LRFN5: variants seen among roughly 807,000 people sequenced by gnomAD.
The protein encoded by LRFN5 is leucine rich repeat and fibronectin type III domain containing 5.
LRFN5 carries 24 observed loss-of-function variants against 45.6 expected under a neutral mutation model. That is an observed-to-expected ratio of 0.53 (90% CI 0.38 to 0.74). LRFN5 has a LOEUF of 0.74. LRFN5 is among the 30% of genes least tolerant of loss of function. The probability of loss-of-function intolerance (pLI) is 0.00; values close to 1 mark genes in which losing one functional copy is unlikely to be tolerated. For missense variants in LRFN5, 776 were observed against 861.5 expected (o/e 0.90, Z 1.24); for synonymous variants, 340 against 313.8 (o/e 1.08, Z -0.88).
intron 1 of LRFN5, among the ~76,000 whole-genome samples, chr14:41,719,569 G>A (rs572650536): frequency 1.3e-5 from 2 of 151,978 alleles, no homozygotes; most frequent in Admixed American, 1.3e-4. Flanking sequence ...AATCTCATAA[G>A]CTTCAGATTA....
At chr14:41,641,399 C>G (rs1419212149) in intron 1 of LRFN5, among the ~76,000 whole-genome samples, 1 of 151,976 alleles carries the variant, frequency 6.6e-6, no homozygotes, top group African/African-American at 2.4e-5. Context: ...TTTTTTATTG[C>G]TTGCTGGTTG....
rs187731103 is a variant in LRFN5, at chr14:41,650,597, G to A, written c.-197+42035G>A. On this transcript the variant is annotated intron_variant, in intron 1 of 5. Transcript: ENST00000298119. ...ATGTATAAAACTTAAATATTAGTAA[G>A]GCTTTAATTCAGAAAATCCACATTG... Among the ~76,000 whole-genome samples, 53 of 152,106 alleles carry A rather than the reference G, an allele frequency of 3.5e-4. No individual in the cohort carries two copies. In the East Asian group the frequency reaches 7.7e-3, roughly 22 times the overall value.
chr14:41,702,547 C>G (rs555449125), intron 1 of LRFN5, among the ~76,000 whole-genome samples: 1 of 152,218 alleles, frequency 6.6e-6, no homozygotes, highest in East Asian at 1.9e-4. Flanking sequence ...ATTACACTCT[C>G]AAACTCCTGG....
intron 2 of LRFN5, among the ~76,000 whole-genome samples, chr14:41,770,854 A>G (rs1188961735): frequency 6.6e-6 from 1 of 152,022 alleles, no homozygotes; most frequent in Non-Finnish European, 1.5e-5. Context: ...TGGGGCCTCC[A>G]ATTCCATACT....
At chr14:41,892,585 T>C (rs1890823253) in intron 4 of LRFN5, 1 of 981,410 alleles carries the variant, frequency 1.0e-6, no homozygotes, top group South Asian at 4.7e-5. Context: ...TAGTGTTTCC[T>C]TTGTTTTTAG....
In LRFN5 at chr14:41,844,211, G is replaced by C. The variant is rs1207077096; in HGVS notation, c.-20-42395G>C. Among the ~76,000 whole-genome samples, 3 of 152,256 alleles carry C rather than the reference G, an allele frequency of 2.0e-5. No individual in the cohort carries two copies. In the Middle Eastern group the frequency reaches 0.01, roughly 518 times the overall value. The stretch of plus-strand genomic sequence containing the variant: ...CTAACACTTTGGGAGGCCAAGGTGG[G>C]CGGATCACGAGGTCAGGAGATCGAG... On this transcript the variant is annotated intron_variant, in intron 2 of 5. Transcript: ENST00000298119.
intron 1 of LRFN5, among the ~76,000 whole-genome samples, chr14:41,609,857 G>A (rs1887666822): frequency 6.6e-6 from 1 of 152,142 alleles, no homozygotes; most frequent in South Asian, 2.1e-4. Flanking sequence ...TAGGGGCGCT[G>A]CCTGATTTTC....
rs200186506 is a variant in LRFN5 at position 41,791,778 on chromosome 14, A to AATTTT, written c.-21+24751_-21+24752insTTTAT. Among the ~76,000 whole-genome samples, 113 of 152,268 alleles carry AATTTT rather than the reference A, an allele frequency of 7.4e-4. No homozygotes were observed. The East Asian group carries it at 0.021, about 28-fold the overall frequency. ...GTAATACTGCTGCAAGAGATGAGAT[A>AATTTT]ATATCTATGATCTATGTTTTATTCA... On this transcript the variant is annotated intron_variant, in intron 2 of 5. Transcript: ENST00000298119.
intron 1 of LRFN5, among the ~76,000 whole-genome samples, chr14:41,683,643 T>C (rs571034686): frequency 1.3e-5 from 2 of 152,226 alleles, no homozygotes; most frequent in East Asian, 1.9e-4. Flanking sequence ...AGCATTTCTA[T>C]ATGCCAATAG....
At chr14:41,713,257 T>C (rs1344883873) in intron 1 of LRFN5, among the ~76,000 whole-genome samples, 2 of 152,040 alleles carry the variant, frequency 1.3e-5, no homozygotes, top group Non-Finnish European at 1.5e-5. Flanking sequence ...AATTTCAAAG[T>C]AAATAATGGG....
chr14:41,849,214 A>G (rs558852347), intron 2 of LRFN5, among the ~76,000 whole-genome samples: 3 of 152,120 alleles, frequency 2.0e-5, no homozygotes, highest in African/African-American at 7.2e-5. Flanking sequence ...GCATAGAATG[A>G]GGTAATCCAA....
At chr14:41,667,499 C>T (rs1594596027) in intron 1 of LRFN5, among the ~76,000 whole-genome samples, 1 of 152,154 alleles carries the variant, frequency 6.6e-6, no homozygotes, top group Non-Finnish European at 1.5e-5. Context: ...TAGTGGCTAA[C>T]ATGCTGGACA....
intron 3 of LRFN5, among the ~76,000 whole-genome samples, chr14:41,890,501 A>G (rs1040261356): frequency 6.6e-6 from 1 of 151,334 alleles, no homozygotes; most frequent in African/African-American, 2.4e-5. Flanking sequence ...AGGTCAGGAG[A>G]TCGAGACCAT....
At chr14:41,879,519 A>G (rs1374520944) in intron 2 of LRFN5, among the ~76,000 whole-genome samples, 2 of 151,308 alleles carry the variant, frequency 1.3e-5, no homozygotes, top group Non-Finnish European at 2.9e-5. Context: ...CTCTCTTTCT[A>G]TATATGTGTA....
At chr14:41,741,233 C>T (rs999224672) in intron 1 of LRFN5, among the ~76,000 whole-genome samples, 3 of 150,774 alleles carry the variant, frequency 2.0e-5, no homozygotes, top group Non-Finnish European at 4.4e-5. Flanking sequence ...AGAAAAAAAT[C>T]CTTGAATAGC....
chr14:41,889,155 A>G (rs1890694077), intron 3 of LRFN5, among the ~76,000 whole-genome samples: 1 of 151,048 alleles, frequency 6.6e-6, no homozygotes, highest in Non-Finnish European at 1.5e-5. Flanking sequence ...TTCAGAAATC[A>G]GATCAGATCA....
intron 2 of LRFN5, among the ~76,000 whole-genome samples, chr14:41,855,529 G>A (rs959104357): frequency 6.6e-6 from 1 of 152,026 alleles, no homozygotes; most frequent in South Asian, 2.1e-4. Context: ...TTATACAGTT[G>A]GACAAGAATG....
At chr14:41,668,872 A>G (rs1205781239) in intron 1 of LRFN5, among the ~76,000 whole-genome samples, 2 of 152,134 alleles carry the variant, frequency 1.3e-5, no homozygotes, top group Non-Finnish European at 2.9e-5. Context: ...TTATCTGTTG[A>G]ACGTAGCTCT....
chr14:41,819,009 A>G (rs1888020259), intron 2 of LRFN5, among the ~76,000 whole-genome samples: 1 of 152,066 alleles, frequency 6.6e-6, no homozygotes, highest in South Asian at 2.1e-4. Context: ...TGTGTTTTTG[A>G]GTTATTTTAC....
Sources: allele counts gnomAD v4.1 joint callset (sites outside exome capture counted in the v4.1 genomes callset), GRCh38; gene constraint gnomAD v4.1.1; transcripts MANE v1.5; gene names NCBI Gene and HGNC (gene_info 2026-07-23, HGNC 2026-07-21).